The following DSCAM variants were observed in gnomAD, a reference collection of about 807,000 sequenced individuals.
DSCAM encodes the protein DS cell adhesion molecule.
A neutral mutation model predicts 217.7 loss-of-function variants in DSCAM; 47 were observed. That is an observed-to-expected ratio of 0.22 (90% confidence interval 0.17 to 0.28). DSCAM has a LOEUF of 0.28. Ranked by LOEUF, DSCAM falls within the 10% of genes least tolerant of loss-of-function variation. The probability of loss-of-function intolerance (pLI) is 1.00; values close to 1 mark genes in which losing one functional copy is unlikely to be tolerated. For missense variants in DSCAM, 2,080 were observed against 2,618.3 expected (o/e 0.79, Z 4.49); for synonymous variants, 1,056 against 1,015.3 (o/e 1.04, Z -0.76).
intron 1 of DSCAM, among the ~76,000 whole-genome samples, chr21:40,787,481 A>T (rs1270135461): frequency 6.6e-6 from 1 of 152,202 alleles, no homozygotes; most frequent in Non-Finnish European, 1.5e-5. Context: ...TCAAGAAAAG[A>T]TGCACGTCCC....
intron 1 of DSCAM, among the ~76,000 whole-genome samples, chr21:40,819,774 C>G (rs1210620942): frequency 1.3e-5 from 2 of 152,154 alleles, no homozygotes; most frequent in Non-Finnish European, 2.9e-5. Flanking sequence ...GGTTCCAGCT[C>G]CATTCCACTC....
At chr21:40,759,527 GGCCT>G (rs762161110) in intron 1 of DSCAM, among the ~76,000 whole-genome samples, 55 of 152,296 alleles carry the variant, frequency 3.6e-4, no homozygotes, top group Middle Eastern at 3.4e-3. Flanking sequence ...CCTGCCAGCT[GGCCT>G]GCCTATCTCT....
At chr21:40,687,510 C>A (rs1042413781) in intron 3 of DSCAM, among the ~76,000 whole-genome samples, 1 of 152,026 alleles carries the variant, frequency 6.6e-6, no homozygotes, top group Non-Finnish European at 1.5e-5. Flanking sequence ...CAGAGGCCCC[C>A]CACAGCATGA....
chr21:40,584,214 G>T (rs1010872415), intron 3 of DSCAM, among the ~76,000 whole-genome samples: 9 of 152,152 alleles, frequency 5.9e-5, no homozygotes, highest in Admixed American at 4.6e-4. Context: ...TGTTACACAG[G>T]GGCACAGGCA....
intron 3 of DSCAM, among the ~76,000 whole-genome samples, chr21:40,473,213 T>G (rs2075904157): frequency 6.6e-6 from 1 of 151,878 alleles, no homozygotes; most frequent in Non-Finnish European, 1.5e-5. Context: ...GCAGAATGAA[T>G]TAGAAAAGCA....
At chr21:40,015,038 T>C (rs991355482) in intron 32 of DSCAM, among the ~76,000 whole-genome samples, 1 of 152,146 alleles carries the variant, frequency 6.6e-6, no homozygotes, top group African/African-American at 2.4e-5. Flanking sequence ...CTTTTCTCTG[T>C]CTTTCCTCTA....
chr21:40,578,653 C>G lies in DSCAM; in HGVS notation c.508+114157G>C, dbSNP rs1276113458. Among the ~76,000 whole-genome samples the G allele has an allele frequency of 2.6e-5, 4 of 152,194 alleles. No individual in the cohort carries two copies. In the East Asian group the frequency reaches 7.7e-4, roughly 29 times the overall value. On this transcript the variant is annotated intron_variant, in intron 3 of 32. Transcript: ENST00000400454. ...CTTTTGCTCTTCACAATAAATCTTG[C>G]TGCCACTCACTTTTTGGGTCCACAC...
At chr21:40,303,990 T>G (rs1053531100) in intron 9 of DSCAM, among the ~76,000 whole-genome samples, 3 of 152,050 alleles carry the variant, frequency 2.0e-5, no homozygotes, top group Non-Finnish European at 4.4e-5. Flanking sequence ...AGGGCAGGAG[T>G]GCTCTTTCAT....
intron 3 of DSCAM, among the ~76,000 whole-genome samples, chr21:40,374,211 AT>A (rs780507910): frequency 5.3e-5 from 8 of 152,354 alleles, no homozygotes; most frequent in East Asian, 3.9e-4. Context: ...ATTGAAAAAA[AT>A]ATTAATAAAT....
chr21:40,226,084 C>T (rs757062186), intron 11 of DSCAM, among the ~76,000 whole-genome samples: 2 of 152,182 alleles, frequency 1.3e-5, no homozygotes, highest in Non-Finnish European at 2.9e-5. Context: ...GATGTGTTCT[C>T]TTATGATCCC....
intron 10 of DSCAM, among the ~76,000 whole-genome samples, chr21:40,281,475 T>C (rs549450620): frequency 3.9e-5 from 6 of 152,284 alleles, no homozygotes; most frequent in South Asian, 2.1e-4. Flanking sequence ...AATATATATA[T>C]ATAGCGGTAG....
intron 8 of DSCAM, among the ~76,000 whole-genome samples, chr21:40,313,852 T>C (rs2074167479): frequency 6.6e-6 from 1 of 152,208 alleles, no homozygotes; most frequent in South Asian, 2.1e-4. Flanking sequence ...TGATTAATCA[T>C]GTGATAATCT....
chr21:40,502,708 A>G (rs948302372), intron 3 of DSCAM, among the ~76,000 whole-genome samples: 6 of 152,126 alleles, frequency 3.9e-5, no homozygotes, highest in Non-Finnish European at 8.8e-5. Context: ...TCACCCAGAT[A>G]ATCCACAATA....
At chr21:40,203,107 C>T (rs916289418) in intron 11 of DSCAM, among the ~76,000 whole-genome samples, 1 of 152,208 alleles carries the variant, frequency 6.6e-6, no homozygotes, top group Non-Finnish European at 1.5e-5. Flanking sequence ...CAAGATCACA[C>T]AGGTAGAGAG....
At chr21:40,836,155 G>C (rs1165911139) in intron 1 of DSCAM, among the ~76,000 whole-genome samples, 1 of 152,158 alleles carries the variant, frequency 6.6e-6, no homozygotes, top group African/African-American at 2.4e-5. Context: ...AGCTTGTTCA[G>C]TAGAGTTACC....
chr21:40,155,613 C>T (rs781470508), intron 16 of DSCAM, among the ~76,000 whole-genome samples: 137 of 152,136 alleles, frequency 9.0e-4, no homozygotes, highest in Middle Eastern at 3.4e-3. Flanking sequence ...GGTCATGGGG[C>T]CATGAAAAAT....
chr21:40,715,652 G>A (rs566031566), intron 1 of DSCAM, among the ~76,000 whole-genome samples: 97 of 152,202 alleles, frequency 6.4e-4, no homozygotes, highest in Middle Eastern at 3.4e-3. Flanking sequence ...AGTTCAACAC[G>A]GCAGTTTTCA....
At chr21:40,724,476 G>A (rs759770685) in intron 1 of DSCAM, among the ~76,000 whole-genome samples, 6 of 152,180 alleles carry the variant, frequency 3.9e-5, no homozygotes, top group Non-Finnish European at 5.9e-5. Flanking sequence ...TGCAGATTAA[G>A]AGGCAAAGAG....
intron 20 of DSCAM, among the ~76,000 whole-genome samples, chr21:40,102,430 G>C (rs930697579): frequency 6.6e-6 from 1 of 152,170 alleles, no homozygotes; most frequent in Non-Finnish European, 1.5e-5. Context: ...CTGCTGGGTA[G>C]AGTCGTGGGT....
Sources: gnomAD v4.1 joint callset for allele counts (sites outside exome capture counted in the v4.1 genomes callset) on GRCh38, gnomAD v4.1.1 for gene constraint, MANE v1.5 for transcripts, NCBI Gene and HGNC (gene_info 2026-07-23, HGNC 2026-07-21) for gene names.